The following PDE3A variants were observed in gnomAD, a reference collection of about 807,000 sequenced individuals.
PDE3A encodes cGMP-inhibited 3',5'-cyclic phosphodiesterase 3A.
A neutral mutation model predicts 98.3 loss-of-function variants in PDE3A; 43 were observed. The observed-to-expected ratio is 0.44, with a 90% CI of 0.34 to 0.56. The LOEUF (loss-of-function observed/expected upper bound fraction) is 0.56. PDE3A is among the 20% of genes least tolerant of loss of function. The probability of loss-of-function intolerance (pLI) is 0.01; values close to 1 mark genes in which losing one functional copy is unlikely to be tolerated. For missense variants in PDE3A, 1,427 were observed against 1,440.7 expected (o/e 0.99, Z 0.15); for synonymous variants, 663 against 567.9 (o/e 1.17, Z -2.38).
chr12:20,418,053 G>A (rs1944451501), intron 1 of PDE3A, among the ~76,000 whole-genome samples: 1 of 151,938 alleles, frequency 6.6e-6, no homozygotes, highest in Non-Finnish European at 1.5e-5. Context: ...GTTTTCCTAG[G>A]TAGAGAATCT....
chr12:20,648,972 C>G, intron 13 of PDE3A, 81 bp downstream of exon 13: 1 of 885,464 alleles, frequency 1.1e-6, no homozygotes, highest in Non-Finnish European at 1.7e-6. Context: ...GTCGCCCAGA[C>G]TGGAGTGCAG....
chr12:20,432,903 A>G (rs911991271), intron 1 of PDE3A, among the ~76,000 whole-genome samples: 4 of 152,238 alleles, frequency 2.6e-5, no homozygotes, highest in Non-Finnish European at 5.9e-5. Context: ...ACTAAAAATG[A>G]TATACATTTT....
intron 2 of PDE3A, among the ~76,000 whole-genome samples, chr12:20,578,508 C>CAT (rs144461743): frequency 3.2e-4 from 48 of 149,530 alleles, no homozygotes; most frequent in African/African-American, 9.4e-4. Flanking sequence ...CACACACACA[C>CAT]GTAGTACTCA....
chr12:20,507,494 A>G (rs35574173), intron 1 of PDE3A, among the ~76,000 whole-genome samples: 39,359 of 151,938 alleles, frequency 0.26, 6,015 homozygotes, highest in East Asian at 0.55. Flanking sequence ...ATAACTCCTA[A>G]GTTCATATCG....
chr12:20,655,898 A>G (rs1429570084), intron 15 of PDE3A, among the ~76,000 whole-genome samples: 1 of 152,216 alleles, frequency 6.6e-6, no homozygotes, highest in Non-Finnish European at 1.5e-5. Flanking sequence ...CCAGGGCAGT[A>G]GCAACAGTGA....
intron 15 of PDE3A, among the ~76,000 whole-genome samples, chr12:20,672,343 A>C (rs957999412): frequency 7.7e-6 from 1 of 130,684 alleles, no homozygotes; most frequent in Non-Finnish European, 1.6e-5. Flanking sequence ...ATTGGAAAAA[A>C]CTACTTTAAA....
intron 2 of PDE3A, among the ~76,000 whole-genome samples, chr12:20,605,271 C>T (rs941142110): frequency 6.6e-6 from 1 of 152,078 alleles, no homozygotes. Flanking sequence ...ATGGAAATTC[C>T]ACCAAATAGC....
intron 2 of PDE3A, among the ~76,000 whole-genome samples, chr12:20,585,345 T>C (rs1204481469): frequency 6.6e-6 from 1 of 152,234 alleles, no homozygotes; most frequent in Admixed American, 6.5e-5. Flanking sequence ...ATGTACTTTG[T>C]TGAGTTTTTG....
At chr12:20,428,346 C>A (rs1944636299) in intron 1 of PDE3A, among the ~76,000 whole-genome samples, 1 of 152,148 alleles carries the variant, frequency 6.6e-6, no homozygotes, top group African/African-American at 2.4e-5. Context: ...GAGGTGCGAT[C>A]TCCACTCACT....
chr12:20,649,019 G>A (rs2121517115), intron 13 of PDE3A, 128 bp downstream of exon 13: 1 of 614,788 alleles, frequency 1.6e-6, no homozygotes, highest in South Asian at 2.1e-5. Context: ...TCTGCCTCCT[G>A]GGTTCAAGTG....
At chr12:20,541,337 T>C (rs1355173256) in intron 1 of PDE3A, among the ~76,000 whole-genome samples, 2 of 151,912 alleles carry the variant, frequency 1.3e-5, no homozygotes, top group Non-Finnish European at 2.9e-5. Flanking sequence ...GCTGGCCTCC[T>C]CAACTGATCC....
intron 5 of PDE3A, among the ~76,000 whole-genome samples, chr12:20,626,881 T>A (rs1944274817): frequency 6.6e-6 from 1 of 152,306 alleles, no homozygotes; most frequent in South Asian, 2.1e-4. Flanking sequence ...ATTTTAAATT[T>A]CATCCCAGGC....
intron 1 of PDE3A, among the ~76,000 whole-genome samples, chr12:20,465,156 G>A (rs1352003542): frequency 1.3e-5 from 2 of 152,156 alleles, no homozygotes; most frequent in African/African-American, 4.8e-5. Context: ...CCTTTCTGAG[G>A]ATAAAAGTCG....
Position 20,552,144 on chromosome 12 carries a change from C to T in PDE3A, c.961-4516C>T, listed in dbSNP as rs113035832. The T allele has an allele frequency of 2.0e-4, 329 of 1,613,674 alleles. 2 individuals carry two copies. In the African/African-American group the frequency reaches 3.7e-3, roughly 18 times the overall value. On this transcript the variant is annotated intron_variant, in intron 1 of 15. Coordinates refer to ENST00000359062, the MANE Select transcript of PDE3A (RefSeq NM_000921.5). The surrounding 1 kb of genome is among the most constrained non-coding windows in gnomAD (Gnocchi z 5.1). The stretch of plus-strand genomic sequence containing the variant: ...GTGATCAGAAACTCACCAACACCAA[C>T]AGGGCGCTGGCTCTCAACTGCTTTG...
At chr12:20,610,121 G>GTT in intron 2 of PDE3A, among the ~76,000 whole-genome samples, 1 of 9,688 alleles carries the variant, frequency 1.0e-4, no homozygotes. Flanking sequence ...CTGACAGACT[G>GTT]GGAAAAAAAA....
At chr12:20,506,687 T>A (rs1946125849) in intron 1 of PDE3A, among the ~76,000 whole-genome samples, 1 of 152,072 alleles carries the variant, frequency 6.6e-6, no homozygotes, top group African/African-American at 2.4e-5. Flanking sequence ...AAGATGTGCA[T>A]CTTGTGTAAC....
chr12:20,429,317 T>G (rs1944655720), intron 1 of PDE3A, among the ~76,000 whole-genome samples: 1 of 152,210 alleles, frequency 6.6e-6, no homozygotes, highest in Admixed American at 6.5e-5. Flanking sequence ...GGCTTCTGTT[T>G]TCCTTCTTTT....
intron 1 of PDE3A, among the ~76,000 whole-genome samples, chr12:20,477,223 C>A (rs921737106): frequency 6.6e-6 from 1 of 152,136 alleles, no homozygotes; most frequent in Admixed American, 6.6e-5. Flanking sequence ...CCTTTTGAAA[C>A]AAAGAAATCC....
chr12:20,650,675 C>A, intron 14 of PDE3A, 75 bp downstream of exon 14: 1 of 833,726 alleles, frequency 1.2e-6, no homozygotes, highest in Non-Finnish European at 1.9e-6. Flanking sequence ...CTTCTAACAG[C>A]TATGAAAGTA....
Sources: allele counts gnomAD v4.1 joint callset (sites outside exome capture counted in the v4.1 genomes callset), GRCh38; gene constraint gnomAD v4.1.1; non-coding constraint Gnocchi (gnomAD v3.1); transcripts MANE v1.5; gene names NCBI Gene and HGNC (gene_info 2026-07-23, HGNC 2026-07-21).